Variants in STAB2 observed in about 807,000 individuals in gnomAD.
STAB2 encodes stabilin 2.
Under a neutral mutation model 338.1 loss-of-function variants are expected in STAB2, and 288 were observed. That is an observed-to-expected ratio of 0.85 (90% CI 0.77 to 0.94). The LOEUF (loss-of-function observed/expected upper bound fraction) is 0.94. Ranked by LOEUF, STAB2 falls within the 40% of genes least tolerant of loss-of-function variation. The pLI is 0.00. For synonymous variants in STAB2, 1,202 were observed against 1,193.3 expected, an observed-to-expected ratio of 1.01 and a Z score of -0.15; for missense variants, 3,141 against 3,210.1, an observed-to-expected ratio of 0.98 and a Z score of 0.52.
chr12:103,719,096 C>T (rs1880555725), intron 44 of STAB2, among the ~76,000 whole-genome samples: 3 of 152,260 alleles, frequency 2.0e-5, no homozygotes, highest in East Asian at 1.9e-4. Context: ...CTGGGCTAGT[C>T]GCCTACTGCT....
intron 22 of STAB2, 22 bp downstream of exon 22, chr12:103,670,829 T>G (rs1162670885): frequency 1.3e-6 from 2 of 1,589,744 alleles, no homozygotes; most frequent in Non-Finnish European, 1.7e-6. Flanking sequence ...TTCCAGAGCT[T>G]CCTTCCACTC....
At chr12:103,612,623 G>A (rs1362652393) in intron 3 of STAB2, among the ~76,000 whole-genome samples, 1 of 152,106 alleles carries the variant, frequency 6.6e-6, no homozygotes, top group East Asian at 1.9e-4. Context: ...TCTTTGCCAT[G>A]GGTTCAAACT....
At chr12:103,730,333 C>A (rs1881537889) in intron 49 of STAB2, 77 bp downstream of exon 49, 1 of 1,463,092 alleles carries the variant, frequency 6.8e-7, no homozygotes, top group South Asian at 1.3e-5. Context: ...TCGAAGTCAT[C>A]ATTTTGAAAC....
At chr12:103,669,978 A>G (rs1294989748) in intron 21 of STAB2, among the ~76,000 whole-genome samples, 4 of 152,244 alleles carry the variant, frequency 2.6e-5, no homozygotes, top group African/African-American at 9.6e-5. Flanking sequence ...TGATAGTTAA[A>G]AAATAGCTCT....
chr12:103,704,099 G>A (rs7303410), intron 35 of STAB2, among the ~76,000 whole-genome samples: 145,985 of 152,292 alleles, frequency 0.96, 70,017 homozygotes, highest in East Asian at 1. Flanking sequence ...CTGTTTTAGG[G>A]ACAGGTTGAG....
Position 103,701,204 on chromosome 12 carries a change from T to C in STAB2, c.3715-1944T>C, listed in dbSNP as rs1045742083. Reference sequence around the variant, plus strand: ...GAACTCATCATTTTTTATGGCTGCATAGTATTCCATGGTGTATATGTGCCA... The same window carrying C: ...GAACTCATCATTTTTTATGGCTGCACAGTATTCCATGGTGTATATGTGCCA... On this transcript the variant is annotated intron_variant, in intron 34 of 68. Coordinates refer to ENST00000388887, the MANE Select transcript of STAB2 (RefSeq NM_017564.10). 2.8e-3 allele frequency among the ~76,000 whole-genome samples: 424 copies of C among 151,522 alleles called. 2 individuals are homozygous for C. Among genetic ancestry groups the C allele is most frequent in the African/African-American group, 9.5e-3 (393 of 41,320 alleles).
chr12:103,599,082 A>T (rs1455737950), intron 3 of STAB2, among the ~76,000 whole-genome samples: 1 of 151,902 alleles, frequency 6.6e-6, no homozygotes, highest in Non-Finnish European at 1.5e-5. Flanking sequence ...CTAGTTCATT[A>T]CTCTCTCCTG....
At chr12:103,721,657 G>C (rs1031096747) in intron 44 of STAB2, among the ~76,000 whole-genome samples, 2 of 152,190 alleles carry the variant, frequency 1.3e-5, no homozygotes, top group Non-Finnish European at 2.9e-5. Context: ...AAAGACCAGG[G>C]TGGTATGACT....
chr12:103,675,179 C>CT (rs1406099822), intron 23 of STAB2, among the ~76,000 whole-genome samples: 2 of 152,048 alleles, frequency 1.3e-5, no homozygotes, highest in Non-Finnish European at 2.9e-5. Flanking sequence ...GCAGTAAGAC[C>CT]TGGGGGTACA....
chr12:103,748,145 T>G (rs774664928), intron 58 of STAB2, among the ~76,000 whole-genome samples: 3 of 152,224 alleles, frequency 2.0e-5, no homozygotes, highest in Non-Finnish European at 4.4e-5. Context: ...AAATTAGATC[T>G]TGCTATACCT....
At chr12:103,697,772 C>G (rs1224932919) in intron 33 of STAB2, among the ~76,000 whole-genome samples, 2 of 152,166 alleles carry the variant, frequency 1.3e-5, no homozygotes, top group African/African-American at 4.8e-5. Flanking sequence ...AGAAATATCA[C>G]AATGGTAGCA....
At chr12:103,630,784 C>A (rs890357561) in intron 5 of STAB2, among the ~76,000 whole-genome samples, 1 of 152,208 alleles carries the variant, frequency 6.6e-6, no homozygotes, top group African/African-American at 2.4e-5. Context: ...AAAGATTCTC[C>A]ACTAAAGCCT....
intron 42 of STAB2, among the ~76,000 whole-genome samples, chr12:103,714,561 G>A (rs1221304710): frequency 1.3e-5 from 2 of 152,018 alleles, no homozygotes; most frequent in Admixed American, 6.6e-5. Flanking sequence ...GCCGGGTGTG[G>A]TGGCACACAC....
At chr12:103,594,830 T>C (rs1334069186) in intron 3 of STAB2, among the ~76,000 whole-genome samples, 2 of 152,186 alleles carry the variant, frequency 1.3e-5, no homozygotes, top group East Asian at 3.8e-4. Flanking sequence ...GACCCCCAAA[T>C]ACAATTTTCT....
In STAB2 at chr12:103,704,090, T is replaced by C. The variant is rs540646692; in HGVS notation, c.3844-468T>C. Among the ~76,000 whole-genome samples, 364 of 152,348 alleles carry C rather than the reference T, an allele frequency of 2.4e-3. 1 individual carries two copies. The highest frequency in any genetic ancestry group is 8.2e-3 in the African/African-American group (341 of 41,576). On this transcript the variant is annotated intron_variant, in intron 35 of 68. Transcript: ENST00000388887. ...AGAACTAGACACATTGACCACCTCC[T>C]GTTTTAGGGACAGGTTGAGCTTGAG... is the stretch of plus-strand genomic sequence containing the variant.
rs531462227 is a variant in STAB2, at chr12:103,609,952, T to C, written c.332-10516T>C. On this transcript the variant is annotated intron_variant, in intron 3 of 68. Coordinates refer to ENST00000388887, the MANE Select transcript of STAB2 (RefSeq NM_017564.10). ...TGCATCTATTGTGATAATCATGCGGTTTTTGTCATTGGTTCTGTTTATATG... is the reference window on the plus strand; with the variant it reads ...TGCATCTATTGTGATAATCATGCGGCTTTTGTCATTGGTTCTGTTTATATG... 2.1e-4 allele frequency among the ~76,000 whole-genome samples: 32 copies of C among 152,272 alleles called. No homozygotes were observed. In the South Asian group the frequency reaches 6.7e-3, roughly 32 times the overall value.
chr12:103,729,217 A>G (rs1881448976), intron 48 of STAB2, among the ~76,000 whole-genome samples: 1 of 152,162 alleles, frequency 6.6e-6, no homozygotes, highest in Non-Finnish European at 1.5e-5. Flanking sequence ...GAGTGGGAGG[A>G]GGGAGAGGAT....
Position 103,751,771 on chromosome 12 carries a change from TA to T in STAB2, c.6580+1052del, listed in dbSNP as rs370740247. ...TCCAAGTGGAAATCTACCCAGACCA[TA>T]GAGTGTGGTCCAGCTTCTCCCATGG... On this transcript the variant is annotated intron_variant, in intron 60 of 68. Coordinates refer to ENST00000388887, the MANE Select transcript of STAB2 (RefSeq NM_017564.10). 7.2e-4 allele frequency among the ~76,000 whole-genome samples: 110 copies of T among 152,346 alleles called. 2 individuals are homozygous for T. In the East Asian group the frequency reaches 0.02, roughly 27 times the overall value.
intron 3 of STAB2, among the ~76,000 whole-genome samples, chr12:103,607,257 T>C (rs1410754805): frequency 6.6e-6 from 1 of 152,128 alleles, no homozygotes; most frequent in Non-Finnish European, 1.5e-5. Flanking sequence ...TCTCCCTTCC[T>C]CCTTTTCAGA....
Sources: allele counts gnomAD v4.1 joint callset (sites outside exome capture counted in the v4.1 genomes callset), GRCh38; gene constraint gnomAD v4.1.1; transcripts MANE v1.5; gene names NCBI Gene and HGNC (gene_info 2026-07-23, HGNC 2026-07-21).